The following PTPN13 variants were observed in gnomAD, a reference collection of about 807,000 sequenced individuals.
PTPN13 encodes protein tyrosine phosphatase non-receptor type 13.
Under a neutral mutation model 284.0 loss-of-function variants are expected in PTPN13, and 191 were observed. That is an observed-to-expected ratio of 0.67 (90% CI 0.60 to 0.76). The LOEUF is 0.76. Ranked by LOEUF, PTPN13 falls within the 30% of genes least tolerant of loss-of-function variation. The pLI, the probability that PTPN13 is intolerant of heterozygous loss-of-function variation, is 0.00. For missense variants in PTPN13, 2,797 were observed against 2,939.9 expected (o/e 0.95, Z 1.12); for synonymous variants, 986 against 1,022.3 (o/e 0.96, Z 0.68).
At chr4:86,785,186 C>T in intron 38 of PTPN13, 45 bp from the exon 39 acceptor site, 2 of 1,384,838 alleles carry the variant, frequency 1.4e-6, no homozygotes, top group Non-Finnish European at 2.0e-6. Flanking sequence ...TTTCTCGTGT[C>T]AATATTTTTA....
At chr4:86,673,173 A>G (rs1274083185) in intron 3 of PTPN13, among the ~76,000 whole-genome samples, 1 of 152,054 alleles carries the variant, frequency 6.6e-6, no homozygotes, top group Admixed American at 6.6e-5. Context: ...AGGCCATGGG[A>G]CTGGTATGGG....
At chr4:86,695,520 T>G (rs1280938209) in intron 6 of PTPN13, among the ~76,000 whole-genome samples, 2 of 151,982 alleles carry the variant, frequency 1.3e-5, no homozygotes, top group Non-Finnish European at 2.9e-5. Context: ...AATAACAAAC[T>G]TATAGATGAA....
chr4:86,741,355 A>G (rs910257095), intron 15 of PTPN13, among the ~76,000 whole-genome samples: 1 of 152,226 alleles, frequency 6.6e-6, no homozygotes, highest in Non-Finnish European at 1.5e-5. Context: ...GGTGAAAGGC[A>G]TGTCTCACAT....
intron 12 of PTPN13, among the ~76,000 whole-genome samples, chr4:86,733,900 G>A (rs1420620): frequency 0.082 from 12,448 of 152,132 alleles, 651 homozygotes; most frequent in Non-Finnish European, 0.11. Context: ...AATGTTTACC[G>A]TGTACTGTGT....
At chr4:86,672,268 C>T in intron 2 of PTPN13, 97 bp from the exon 3 acceptor site, 2 of 972,462 alleles carry the variant, frequency 2.1e-6, no homozygotes, top group Non-Finnish European at 3.0e-6. Flanking sequence ...AAATAGGCTG[C>T]ATTATCCATT....
chr4:86,752,690 C>A (rs939152283), intron 19 of PTPN13, among the ~76,000 whole-genome samples: 4 of 152,088 alleles, frequency 2.6e-5, no homozygotes, highest in African/African-American at 9.7e-5. Context: ...TTTATTCATT[C>A]TTACTGAATA....
At chr4:86,632,201 A>G (rs939284276) in intron 1 of PTPN13, among the ~76,000 whole-genome samples, 3 of 152,094 alleles carry the variant, frequency 2.0e-5, no homozygotes, top group Non-Finnish European at 2.9e-5. Context: ...CAACCTTTCA[A>G]TGTCCATTCA....
chr4:86,614,678 A>C (rs1042240053), intron 1 of PTPN13, among the ~76,000 whole-genome samples: 6 of 152,164 alleles, frequency 3.9e-5, no homozygotes, highest in African/African-American at 1.4e-4. Flanking sequence ...AAAACAAAAC[A>C]GTCCTGTAAT....
In PTPN13 at chr4:86,641,905, C is replaced by G. The variant is rs138902166; in HGVS notation, c.115+6534C>G. Among the ~76,000 whole-genome samples the G allele has an allele frequency of 1.5e-3, 222 of 152,260 alleles. 2 individuals carry two copies. The highest frequency in any genetic ancestry group is 5.1e-3 in the African/African-American group (210 of 41,558). On this transcript the variant is annotated intron_variant, in intron 2 of 47. Transcript: ENST00000411767. ...TAGCTTAAGCTCGTGAATGTTTGTG[C>G]TTACAATTTTTTTAAACTTTATTAG...
Position 86,722,575 on chromosome 4 carries a change from G to T in PTPN13, c.1608+141G>T. The T allele has an allele frequency of 6.7e-6, 4 of 594,074 alleles. No homozygotes were observed. In the Admixed American group the frequency reaches 9.4e-5, roughly 14 times the overall value. The allele number at this position is 594,074 out of a possible 1,614,324, so 36.8% of individuals were successfully genotyped here. ...TGAAATCCCATATTCATTTCCACTG[G>T]GATTAAATATCTTTTTGGTTGATTT... On this transcript the variant is annotated intron_variant, in intron 10 of 47. Coordinates refer to ENST00000411767, the MANE Select transcript of PTPN13 (RefSeq NM_080683.3).
intron 35 of PTPN13, among the ~76,000 whole-genome samples, chr4:86,775,902 T>C (rs1740578315): frequency 6.6e-6 from 1 of 152,192 alleles, no homozygotes; most frequent in Admixed American, 6.5e-5. Flanking sequence ...ACTCAACTTT[T>C]GTTTAACAAG....
In PTPN13 at chr4:86,735,632, GC is replaced by G; in HGVS notation, c.2193del (p.Ala732ProfsTer3). The part of the protein sequence containing the change: ...VSYFRMEHYL[P>X]ARVMEKLDLS... ...CTTACTTTAGAATGGAGCACTATTT[GC>G]CCGCCAGAGTGATGGAGAAACTTGA... On this transcript the variant is annotated frameshift_variant, in exon 15 of 48. Transcript: ENST00000411767. LOFTEE classifies it high-confidence loss of function. 1.2e-6 allele frequency: 2 copies of G among 1,613,434 alleles called. No individual in the cohort carries two copies. Among genetic ancestry groups the G allele is most frequent in the Non-Finnish European group, 1.7e-6 (2 of 1,179,672 alleles).
At chr4:86,650,542 A>C (rs1463687881) in intron 2 of PTPN13, among the ~76,000 whole-genome samples, 1 of 152,106 alleles carries the variant, frequency 6.6e-6, no homozygotes, top group Admixed American at 6.6e-5. Flanking sequence ...GCCTCAGACT[A>C]TCCACCTGCC....
chr4:86,612,770 C>G (rs1312507594), intron 1 of PTPN13, among the ~76,000 whole-genome samples: 1 of 152,146 alleles, frequency 6.6e-6, no homozygotes, highest in African/African-American at 2.4e-5. Flanking sequence ...ATGACTATTA[C>G]AGTATATTAC....
intron 7 of PTPN13, among the ~76,000 whole-genome samples, chr4:86,705,354 G>A (rs1021742126): frequency 5.7e-5 from 7 of 122,426 alleles, no homozygotes; most frequent in African/African-American, 2.3e-4. Flanking sequence ...AAAAAGACAT[G>A]CGCAAACAAA....
At chr4:86,634,921 A>C (rs986956252) in intron 1 of PTPN13, among the ~76,000 whole-genome samples, 36 of 152,152 alleles carry the variant, frequency 2.4e-4, no homozygotes, top group African/African-American at 8.2e-4. Flanking sequence ...CCTTCAGTTC[A>C]GTCTGACTGC....
At chr4:86,668,222 C>A (rs895971571) in intron 2 of PTPN13, among the ~76,000 whole-genome samples, 1 of 152,174 alleles carries the variant, frequency 6.6e-6, no homozygotes, top group African/African-American at 2.4e-5. Context: ...AATTAAAACA[C>A]AGTACACGGA....
intron 1 of PTPN13, among the ~76,000 whole-genome samples, chr4:86,614,427 C>CT (rs950485599): frequency 2.0e-5 from 3 of 151,886 alleles, no homozygotes; most frequent in African/African-American, 7.3e-5. Flanking sequence ...AAAGGATAAT[C>CT]TTTTTTTTAC....
chr4:86,594,974 G>T (rs758385680), intron 1 of PTPN13, among the ~76,000 whole-genome samples, 185 bp downstream of exon 1: 5 of 152,144 alleles, frequency 3.3e-5, no homozygotes, highest in African/African-American at 4.8e-5. Flanking sequence ...ACGTTAGAGT[G>T]GGGGTGGGGT....
Sources: allele counts gnomAD v4.1 joint callset (sites outside exome capture counted in the v4.1 genomes callset), GRCh38; gene constraint gnomAD v4.1.1; transcripts MANE v1.5; gene names NCBI Gene and HGNC (gene_info 2026-07-23, HGNC 2026-07-21).